Variants in SLC30A8 observed in about 807,000 individuals in gnomAD.
The protein encoded by SLC30A8 is solute carrier family 30 member 8.
Under a neutral mutation model 36.9 loss-of-function variants are expected in SLC30A8, and 27 were observed. That is an observed-to-expected ratio of 0.73 (90% confidence interval 0.54 to 1.01). The LOEUF (loss-of-function observed/expected upper bound fraction) is 1.01, where lower values mean the gene tolerates loss of function less well. Ranked by LOEUF, SLC30A8 falls within the 50% of genes least tolerant of loss-of-function variation. The pLI is 0.00. For missense variants in SLC30A8, 439 were observed against 452.0 expected (o/e 0.97, Z 0.26); for synonymous variants, 164 against 172.4 (o/e 0.95, Z 0.38).
chr8:117,038,374 G>T (rs1194771775), intron 1 of SLC30A8, among the ~76,000 whole-genome samples: 1 of 152,100 alleles, frequency 6.6e-6, no homozygotes, highest in Admixed American at 6.5e-5. Flanking sequence ...ATGTGTGTAT[G>T]CATTCCTTTG....
At chr8:117,056,378 C>A (rs1817871047) in intron 2 of SLC30A8, among the ~76,000 whole-genome samples, 1 of 152,164 alleles carries the variant, frequency 6.6e-6, no homozygotes, top group Admixed American at 6.5e-5. Flanking sequence ...GGAAAGGCTT[C>A]TGGCCAAAGT....
chr8:116,983,096 T>A lies in SLC30A8; in HGVS notation c.-266+31977T>A, dbSNP rs367745436. ...TTTTGGGAAGTCATTGTTACATTGT[T>A]CTGAAATTATTGGTAAGTTAGTGTT... On this transcript the variant is annotated intron_variant, in intron 1 of 10. Coordinates refer to the SLC30A8 transcript ENST00000427715. 1.4e-4 allele frequency among the ~76,000 whole-genome samples: 22 copies of A among 152,324 alleles called. No homozygotes were observed. In the East Asian group the frequency reaches 3.7e-3, roughly 25 times the overall value.
chr8:117,062,199 T>C (rs1818039247), intron 2 of SLC30A8, among the ~76,000 whole-genome samples: 1 of 152,130 alleles, frequency 6.6e-6, no homozygotes. Flanking sequence ...CAATGCAGAG[T>C]GTGGAGTTAG....
At chr8:117,078,721 G>A (rs894266314) in intron 2 of SLC30A8, among the ~76,000 whole-genome samples, 3 of 152,160 alleles carry the variant, frequency 2.0e-5, no homozygotes, top group African/African-American at 7.2e-5. Flanking sequence ...TTATTCCACT[G>A]TGTTGTCCAG....
At chr8:117,124,612 A>G (rs182424383) in intron 2 of SLC30A8, among the ~76,000 whole-genome samples, 2 of 151,060 alleles carry the variant, frequency 1.3e-5, no homozygotes, top group Admixed American at 6.6e-5. Flanking sequence ...CCAATTTCCA[A>G]TCTCAAAAGG....
chr8:117,001,204 CTTTTTTTT>C (rs34639384), intron 1 of SLC30A8, among the ~76,000 whole-genome samples: 2 of 78,314 alleles, frequency 2.6e-5, no homozygotes, highest in East Asian at 8.8e-4. Flanking sequence ...TTGCTAGGGG[CTTTTTTTT>C]TTTTTTTTTT....
chr8:117,014,857 G>C (rs1280694826), intron 1 of SLC30A8, among the ~76,000 whole-genome samples: 1 of 152,110 alleles, frequency 6.6e-6, no homozygotes, highest in East Asian at 1.9e-4. Flanking sequence ...TTTGAGGTTT[G>C]TCTTCTGTCT....
intron 2 of SLC30A8, among the ~76,000 whole-genome samples, chr8:117,086,416 TC>T (rs1818879629): frequency 6.6e-6 from 1 of 152,204 alleles, no homozygotes; most frequent in African/African-American, 2.4e-5. Flanking sequence ...TAATTTGACT[TC>T]CCACAGTGTG....
At chr8:117,016,826 G>A (rs1302059624) in intron 1 of SLC30A8, among the ~76,000 whole-genome samples, 2 of 152,116 alleles carry the variant, frequency 1.3e-5, no homozygotes, top group Admixed American at 6.5e-5. Flanking sequence ...CATTTATTCT[G>A]AAGCTTTCTC....
intron 1 of SLC30A8, among the ~76,000 whole-genome samples, chr8:117,031,715 C>T (rs544435468): frequency 3.9e-5 from 6 of 152,240 alleles, no homozygotes; most frequent in African/African-American, 1.2e-4. Context: ...CCGCCCACCT[C>T]GGCCTCCCAA....
At chr8:116,999,038 C>T (rs145787655) in intron 1 of SLC30A8, among the ~76,000 whole-genome samples, 2,160 of 152,300 alleles carry the variant, frequency 0.014, 51 homozygotes, top group African/African-American at 0.048. Flanking sequence ...GCGGGCAGAT[C>T]ACCTGAAGTC....
intron 1 of SLC30A8, among the ~76,000 whole-genome samples, chr8:117,025,981 T>C (rs1816859362): frequency 6.6e-6 from 1 of 152,174 alleles, no homozygotes; most frequent in Non-Finnish European, 1.5e-5. Context: ...TTTCCTTTCC[T>C]TCGCAGGGTG....
chr8:117,132,662 C>T (rs1464777212), upstream of SLC30A8, among the ~76,000 whole-genome samples: 1 of 151,988 alleles, frequency 6.6e-6, no homozygotes, highest in Non-Finnish European at 1.5e-5. Flanking sequence ...AGGCCGTTGG[C>T]CCTTGGTGGG....
chr8:116,984,359 C>A (rs1326550127), intron 1 of SLC30A8, among the ~76,000 whole-genome samples: 5 of 152,082 alleles, frequency 3.3e-5, no homozygotes, highest in Non-Finnish European at 7.4e-5. Flanking sequence ...ATAGTAGTTG[C>A]ATGTTTAGTT....
At position 117,172,581 on chromosome 8, in the gene SLC30A8, C is replaced by T; in HGVS notation, c.1010C>T (p.Ala337Val). ...GTGGTTCGGAGAGAAATTGCTAAAG[C>T]CCTTAGCAAAAGCTTTACGATGCAC... Reference protein sequence around the residue: ...SQVVRREIAKALSKSFTMHSL... With the variant: ...SQVVRREIAKVLSKSFTMHSL... The change falls in exon 8 of 8, where the codon GCC becomes GTC. Residue 337 changes from alanine (A) to valine (V), a missense_variant. Ala to Val is a moderately conservative substitution (Grantham distance 64, BLOSUM62 0). Transcript: ENST00000456015. 1 of 1,613,716 alleles carries T rather than the reference C, an allele frequency of 6.2e-7. No individual in the cohort carries two copies. The highest frequency in any genetic ancestry group is 8.5e-7 in the Non-Finnish European group (1 of 1,179,706).
intron 2 of SLC30A8, among the ~76,000 whole-genome samples, chr8:117,108,519 A>T (rs748342618): frequency 4.6e-5 from 7 of 152,196 alleles, no homozygotes; most frequent in Admixed American, 1.3e-4. Flanking sequence ...TAATGAATGG[A>T]AAACAATCTT....
chr8:116,957,130 T>C, intron 1 of SLC30A8, among the ~76,000 whole-genome samples: 1 of 152,210 alleles, frequency 6.6e-6, no homozygotes, highest in East Asian at 1.9e-4. Context: ...ATTTCTTTAC[T>C]TATAAAATCA....
chr8:117,143,254 G>T (rs555481111), intron 1 of SLC30A8, among the ~76,000 whole-genome samples: 1 of 152,096 alleles, frequency 6.6e-6, no homozygotes, highest in African/African-American at 2.4e-5. Flanking sequence ...AAGTTTTAGA[G>T]TACTGGCATC....
At chr8:117,004,364 G>T (rs1816106186) in intron 1 of SLC30A8, among the ~76,000 whole-genome samples, 1 of 152,180 alleles carries the variant, frequency 6.6e-6, no homozygotes, top group African/African-American at 2.4e-5. Context: ...AAATAGTTCT[G>T]CCATAAGGTC....
Sources: allele counts gnomAD v4.1 joint callset (sites outside exome capture counted in the v4.1 genomes callset), GRCh38; gene constraint gnomAD v4.1.1; transcripts MANE v1.5; gene names NCBI Gene and HGNC (gene_info 2026-07-23, HGNC 2026-07-21).